ADAMTS3: variants seen among roughly 807,000 people sequenced by gnomAD.
ADAMTS3 encodes the protein A disintegrin and metalloproteinase with thrombospondin motifs 3.
ADAMTS3 carries 73 observed loss-of-function variants against 129.0 expected under a neutral mutation model. The ratio of observed to expected loss-of-function variants is 0.57; its 90% confidence interval spans 0.47 to 0.69. ADAMTS3 has a LOEUF of 0.69. Among genes scored for constraint, ADAMTS3 ranks in the 30% least tolerant of loss-of-function variants. The pLI is 0.00. For missense variants in ADAMTS3, 1,457 were observed against 1,514.5 expected (o/e 0.96, Z 0.63); for synonymous variants, 477 against 510.8 (o/e 0.93, Z 0.89).
At chr4:72,393,660 C>G (rs1038688106) in intron 4 of ADAMTS3, among the ~76,000 whole-genome samples, 29 of 152,120 alleles carry the variant, frequency 1.9e-4, no homozygotes, top group African/African-American at 7.0e-4. Context: ...TTTCCATATA[C>G]AGAATATTTA....
chr4:72,322,136 A>G (rs1016033957), intron 6 of ADAMTS3, among the ~76,000 whole-genome samples: 2 of 152,182 alleles, frequency 1.3e-5, no homozygotes, highest in African/African-American at 4.8e-5. Context: ...TTAACAACCA[A>G]TTGGAGGCTG....
chr4:72,520,622 C>T (rs955612426), intron 3 of ADAMTS3, among the ~76,000 whole-genome samples: 12 of 152,174 alleles, frequency 7.9e-5, no homozygotes, highest in East Asian at 5.8e-4. Flanking sequence ...AGTGAGACTC[C>T]GTGGGCGTAG....
In ADAMTS3 at chr4:72,313,736, G is replaced by A; in HGVS notation, c.1686C>T (p.Ser562=). ...GNWGSWTKFG[S]CSRTCGTGVR... ...CACCAGTTCCACATGTCCGAGAACA[G>A]GAGCCAAATTTAGTCCATGACCCCC... is the stretch of plus-strand genomic sequence containing the variant. Residue 562 remains serine, a synonymous_variant, in exon 12 of 22, where the codon TCC becomes TCT. Transcript: ENST00000286657. The A allele has an allele frequency of 6.2e-7, 1 of 1,613,812 alleles. No individual in the cohort carries two copies. The highest frequency in any genetic ancestry group is 8.5e-7 in the Non-Finnish European group (1 of 1,179,878).
chr4:72,479,277 T>A (rs1218739608), intron 3 of ADAMTS3, among the ~76,000 whole-genome samples: 1 of 152,148 alleles, frequency 6.6e-6, no homozygotes, highest in African/African-American at 2.4e-5. Flanking sequence ...GGCATCACAC[T>A]ACCTGACTTC....
intron 3 of ADAMTS3, among the ~76,000 whole-genome samples, chr4:72,454,780 C>A (rs1718498594): frequency 6.6e-6 from 1 of 151,652 alleles, no homozygotes; most frequent in African/African-American, 2.4e-5. Flanking sequence ...GGAGGAGAAA[C>A]AGGGTTTGAA....
intron 3 of ADAMTS3, among the ~76,000 whole-genome samples, chr4:72,444,071 C>A (rs551984372): frequency 1.3e-5 from 2 of 151,850 alleles, no homozygotes; most frequent in African/African-American, 4.8e-5. Context: ...TATAATGGCA[C>A]CAGGAAAGAG....
rs766638327 is a variant in ADAMTS3, at chr4:72,339,535, T to C, written c.820A>G (p.Lys274Glu). The C allele has an allele frequency of 1.2e-6, 2 of 1,613,944 alleles. No individual in the cohort carries two copies. The highest frequency in any genetic ancestry group is 1.7e-6 in the Non-Finnish European group (2 of 1,179,862). Residue 274 changes from lysine (K) to glutamate (E), a missense_variant, in exon 5 of 22, where the codon AAA (lysine) becomes GAA (glutamate). Transcript: ENST00000286657. ...AGGAGGTAGTTTTGGACGTGCTCTT[T>C]GCCATGGAAACGGACCACAGAGTCA... Reference protein sequence around the residue: ...VDDSVVRFHGKEHVQNYLLTL... With the variant: ...VDDSVVRFHGEEHVQNYLLTL...
chr4:72,432,850 C>T (rs1722732126), intron 3 of ADAMTS3, among the ~76,000 whole-genome samples: 1 of 151,832 alleles, frequency 6.6e-6, no homozygotes, highest in East Asian at 1.9e-4. Context: ...AAGCTTTTAA[C>T]ATTATTCAGA....
At chr4:72,450,684 T>A (rs550825638) in intron 3 of ADAMTS3, among the ~76,000 whole-genome samples, 3 of 151,760 alleles carry the variant, frequency 2.0e-5, no homozygotes, top group African/African-American at 7.2e-5. Flanking sequence ...GTCCTACTAC[T>A]GCAAAAGTGT....
At chr4:72,492,814 AGTGTTAC>A (rs1396571333) in intron 3 of ADAMTS3, among the ~76,000 whole-genome samples, 1 of 151,860 alleles carries the variant, frequency 6.6e-6, no homozygotes, top group Non-Finnish European at 1.5e-5. Context: ...AAAGTCCCCA[AGTGTTAC>A]TGTATTGCTG....
chr4:72,359,972 G>A (rs1359776523), intron 4 of ADAMTS3, among the ~76,000 whole-genome samples: 1 of 151,990 alleles, frequency 6.6e-6, no homozygotes, highest in Non-Finnish European at 1.5e-5. Context: ...TCAAATAAGA[G>A]GAAGGCAGAA....
At chr4:72,415,092 A>C in intron 3 of ADAMTS3, 121 bp from the exon 4 acceptor site, 1 of 645,910 alleles carries the variant, frequency 1.5e-6, no homozygotes, top group Non-Finnish European at 2.3e-6. Context: ...TTCTTTCCAC[A>C]TTTGGCCATA....
intron 3 of ADAMTS3, among the ~76,000 whole-genome samples, chr4:72,454,205 GCATA>G (rs1471324726): frequency 6.6e-6 from 1 of 151,146 alleles, no homozygotes; most frequent in Non-Finnish European, 1.5e-5. Flanking sequence ...ATACATTATT[GCATA>G]CAGTTACTGA....
At position 72,483,748 on chromosome 4, in the gene ADAMTS3, G is replaced by A. The variant is rs369846895; in HGVS notation, c.504+64730C>T. 9.1e-4 allele frequency among the ~76,000 whole-genome samples: 138 copies of A among 152,264 alleles called. 2 individuals are homozygous for A. The South Asian group carries it at 0.023, about 25-fold the overall frequency. The stretch of plus-strand genomic sequence containing the variant: ...TTAAGATAGCATTTGTGCCAGGCAC[G>A]GTGGCTCACGCCTGTAATCCCAGCA... On this transcript the variant is annotated intron_variant, in intron 3 of 21. Coordinates refer to ENST00000286657, the MANE Select transcript of ADAMTS3 (RefSeq NM_014243.3).
intron 3 of ADAMTS3, among the ~76,000 whole-genome samples, chr4:72,547,758 A>G (rs1382390278): frequency 1.3e-5 from 2 of 152,210 alleles, no homozygotes; most frequent in African/African-American, 2.4e-5. Flanking sequence ...CACATTTTTA[A>G]AACTGTTATT....
intron 3 of ADAMTS3, among the ~76,000 whole-genome samples, chr4:72,461,657 C>A (rs933292355): frequency 6.6e-6 from 1 of 151,860 alleles, no homozygotes; most frequent in Non-Finnish European, 1.5e-5. Context: ...ACTCTTAACA[C>A]CTTTATTAAA....
intron 4 of ADAMTS3, among the ~76,000 whole-genome samples, chr4:72,362,313 T>G (rs1042111645): frequency 6.6e-6 from 1 of 152,096 alleles, no homozygotes; most frequent in Non-Finnish European, 1.5e-5. Flanking sequence ...TTTACACAAC[T>G]CTTAAAGCAA....
chr4:72,558,402 G>A (rs887162678), intron 2 of ADAMTS3, among the ~76,000 whole-genome samples: 1 of 151,620 alleles, frequency 6.6e-6, no homozygotes, highest in Non-Finnish European at 1.5e-5. Context: ...CCAGCAACAG[G>A]GGACTAAGTC....
chr4:72,344,714 A>T (rs1331194484), intron 4 of ADAMTS3, among the ~76,000 whole-genome samples: 12 of 152,042 alleles, frequency 7.9e-5, no homozygotes, highest in Admixed American at 7.9e-4. Flanking sequence ...ATCACCCAAT[A>T]TTCCTTTCTG....
Sources: gnomAD v4.1 joint callset for allele counts (sites outside exome capture counted in the v4.1 genomes callset) on GRCh38, gnomAD v4.1.1 for gene constraint, MANE v1.5 for transcripts, NCBI Gene and HGNC (gene_info 2026-07-23, HGNC 2026-07-21) for gene names.